ARL1: variants seen among roughly 807,000 people sequenced by gnomAD.
The protein encoded by ARL1 is ADP-ribosylation factor-like protein 1.
A neutral mutation model predicts 30.1 loss-of-function variants in ARL1; 17 were observed. The ratio of observed to expected loss-of-function variants is 0.56; its 90% CI spans 0.39 to 0.85. The LOEUF (loss-of-function observed/expected upper bound fraction) is 0.85. ARL1 is among the 40% of genes least tolerant of loss of function. The pLI, the probability that ARL1 is intolerant of heterozygous loss-of-function variation, is 0.00. For synonymous variants in ARL1, 58 were observed against 71.7 expected (o/e 0.81, Z 0.97); for missense variants, 102 against 212.6 (o/e 0.48, Z 3.24).
In ARL1 at chr12:101,403,148, A is replaced by G; in HGVS notation, c.143-202T>C. 4 of 476,310 alleles carry G rather than the reference A, an allele frequency of 8.4e-6. No homozygotes were observed. The East Asian group carries it at 1.7e-4, about 21-fold the overall frequency. The allele number at this position is 476,310 out of a possible 1,614,324, so 29.5% of individuals were successfully genotyped here. On this transcript the variant is annotated intron_variant, in intron 2 of 5. Coordinates refer to ENST00000261636, the MANE Select transcript of ARL1 (RefSeq NM_001177.6). ...ATTGGTTGAGATTTTATACCATTTAAGACGAAATAGTATGCTCTGCTCCCC... is the reference window on the plus strand; with the variant it reads ...ATTGGTTGAGATTTTATACCATTTAGGACGAAATAGTATGCTCTGCTCCCC...
At chr12:101,403,993 T>C (rs536352610) in intron 2 of ARL1, among the ~76,000 whole-genome samples, 14 of 152,080 alleles carry the variant, frequency 9.2e-5, no homozygotes, top group Non-Finnish European at 2.1e-4. Context: ...AACTTCCAGG[T>C]ATAACTGGAC....
Position 101,407,741 on chromosome 12 carries a change from A to G in ARL1, c.-96T>C, listed in dbSNP as rs1320918933. On this transcript the variant is annotated 5_prime_UTR_variant, in exon 1 of 6. Coordinates refer to ENST00000261636, the MANE Select transcript of ARL1 (RefSeq NM_001177.6). ...TTCCTCGCAAGCCCAGTCAGCCAGC[A>G]ACTTCCACGTCGGACTCCAGGCGGG... is the stretch of plus-strand genomic sequence containing the variant. The G allele has an allele frequency of 1.3e-6, 2 of 1,573,104 alleles. No homozygotes were observed. Among genetic ancestry groups the G allele is most frequent in the Admixed American group, 1.7e-5 (1 of 59,790 alleles).
At chr12:101,407,537 C>G in intron 1 of ARL1, 105 bp downstream of exon 1, 2 of 1,478,194 alleles carry the variant, frequency 1.4e-6, no homozygotes, top group Non-Finnish European at 1.8e-6. Context: ...CCCTGAGGAG[C>G]TGGCTACTCT....
At chr12:101,398,820 A>G (rs1871224012) in intron 4 of ARL1, among the ~76,000 whole-genome samples, 1 of 152,142 alleles carries the variant, frequency 6.6e-6, no homozygotes, top group Non-Finnish European at 1.5e-5. Flanking sequence ...TGATGAATTA[A>G]AAGTGACTTC....
At chr12:101,400,309 G>A (rs1049243484) in intron 4 of ARL1, 4 of 151,140 alleles carry the variant, frequency 2.6e-5, no homozygotes, top group African/African-American at 9.7e-5. Flanking sequence ...CCAACACTAG[G>A]AGGCCGAGGC....
chr12:101,399,255 G>C (rs1871235443), intron 4 of ARL1, among the ~76,000 whole-genome samples: 1 of 152,128 alleles, frequency 6.6e-6, no homozygotes, highest in Admixed American at 6.5e-5. Context: ...CCAGTACTTT[G>C]GGAGGCCAAG....
At position 101,402,909 on chromosome 12, in the gene ARL1, G is replaced by T; in HGVS notation, c.180C>A (p.Asn60Lys). 1 of 1,613,136 alleles carries T rather than the reference G, an allele frequency of 6.2e-7. No homozygotes were observed. Among genetic ancestry groups the T allele is most frequent in the Non-Finnish European group, 8.5e-7 (1 of 1,179,402 alleles). ...GFNVETVTYK[N>K]LKFQVWDLGG... ...CTAAATCCCAGACTTGGAATTTAAG[G>T]TTTTTGTACGTCACCGTCTCTACAT... The change falls in exon 3 of 6, where the codon AAC becomes AAA. Residue 60 changes from asparagine (N) to lysine (K), a missense_variant. Asn to Lys is a moderately conservative substitution (Grantham distance 94). Coordinates refer to ENST00000261636, the MANE Select transcript of ARL1 (RefSeq NM_001177.6).
intron 4 of ARL1, chr12:101,400,505 G>A (rs1274120363): frequency 6.6e-6 from 1 of 152,360 alleles, no homozygotes; most frequent in Non-Finnish European, 1.5e-5. Flanking sequence ...GAAGAGATGT[G>A]GGAAGAAACA....
chr12:101,406,698 G>A (rs1436243786), intron 1 of ARL1, among the ~76,000 whole-genome samples: 1 of 152,158 alleles, frequency 6.6e-6, no homozygotes, highest in Non-Finnish European at 1.5e-5. Context: ...CAAAGACATG[G>A]CATAACTAAG....
chr12:101,395,824 C>A (rs1167076937), intron 5 of ARL1, among the ~76,000 whole-genome samples, 154 bp from the exon 6 acceptor site: 6 of 152,116 alleles, frequency 3.9e-5, no homozygotes, highest in Admixed American at 3.3e-4. Context: ...CCATAAGGTT[C>A]CTCTAAGCTT....
chr12:101,397,754 G>A (rs1345744398), intron 4 of ARL1, among the ~76,000 whole-genome samples: 7 of 152,034 alleles, frequency 4.6e-5, no homozygotes, highest in Admixed American at 3.3e-4. Context: ...CACCCGCCTC[G>A]GCCTCCCAAA....
intron 4 of ARL1, among the ~76,000 whole-genome samples, chr12:101,399,116 G>T (rs1020405385): frequency 6.6e-6 from 1 of 150,926 alleles, no homozygotes; most frequent in Non-Finnish European, 1.5e-5. Flanking sequence ...ATGCTATGAT[G>T]TAAAAAAAAA....
rs181170979 is a variant in ARL1, at chr12:101,403,226, C to T, written c.143-280G>A. 2.1e-5 allele frequency: 10 copies of T among 470,546 alleles called. No homozygotes were observed. In the Admixed American group the frequency reaches 2.1e-4, roughly 10 times the overall value. The allele number at this position is 470,546 out of a possible 1,614,324, so 29.1% of individuals were successfully genotyped here. On this transcript the variant is annotated intron_variant, in intron 2 of 5. Transcript: ENST00000261636. The stretch of plus-strand genomic sequence containing the variant: ...CATCAATTAGCAAGATCAATACCAT[C>T]TTCAGGATATTTTTTAAAAGCCAGC...
At chr12:101,400,585 A>G (rs1296539515) in intron 4 of ARL1, among the ~76,000 whole-genome samples, 2 of 152,108 alleles carry the variant, frequency 1.3e-5, no homozygotes, top group Non-Finnish European at 2.9e-5. Context: ...CAAGTGCAAA[A>G]GGCCCTGAGC....
rs3765074 is a variant in ARL1 at position 101,403,064 on chromosome 12, T to C, written c.143-118A>G. 1.8e-5 allele frequency: 9 copies of C among 511,646 alleles called. No homozygotes were observed. In the African/African-American group the frequency reaches 1.8e-4, roughly 10 times the overall value. 31.7% of individuals were successfully genotyped at this position (511,646 alleles called of 1,614,324 possible). On this transcript the variant is annotated intron_variant, in intron 2 of 5. Transcript: ENST00000261636. ...CTGTTATTAGAGTTTAAAATATATA[T>C]ATATATAATTTGTCTTAGGATTCGA...
chr12:101,397,489 CCTGT>C (rs1215036846), intron 4 of ARL1, among the ~76,000 whole-genome samples: 3 of 151,852 alleles, frequency 2.0e-5, no homozygotes, highest in Admixed American at 1.3e-4. Context: ...AGAGGGAGAC[CCTGT>C]CTCTTTTTTT....
At position 101,395,545 on chromosome 12, in the gene ARL1, T is replaced by C. The variant is rs143825195; in HGVS notation, c.*95A>G. On this transcript the variant is annotated 3_prime_UTR_variant, in exon 6 of 6. Transcript: ENST00000261636. ...CAGTCAGTATATGCCAATAATCATA[T>C]AGTTTTAACATCTAGTAGTGTGAAG... The C allele has an allele frequency of 1.0e-5, 10 of 993,502 alleles. No homozygotes were observed. Among genetic ancestry groups the C allele is most frequent in the African/African-American group, 4.9e-5 (3 of 61,310 alleles). 61.5% of individuals were successfully genotyped at this position (993,502 alleles called of 1,614,324 possible). A position where few individuals can be genotyped will look rare whatever the true frequency, so the allele number is the denominator to read the frequency against.
At chr12:101,399,791 T>A (rs147073060) in intron 4 of ARL1, among the ~76,000 whole-genome samples, 1 of 152,322 alleles carries the variant, frequency 6.6e-6, no homozygotes, top group African/African-American at 2.4e-5. Flanking sequence ...TTAGCCAATA[T>A]ATGATCTTAT....
chr12:101,407,489 T>G, intron 1 of ARL1, 153 bp downstream of exon 1: 1 of 970,204 alleles, frequency 1.0e-6, no homozygotes, highest in South Asian at 1.6e-5. Context: ...CCCCTACAGA[T>G]GAAGATCCAA....
Sources: allele counts gnomAD v4.1 joint callset (sites outside exome capture counted in the v4.1 genomes callset), GRCh38; gene constraint gnomAD v4.1.1; transcripts MANE v1.5; gene names NCBI Gene and HGNC (gene_info 2026-07-23, HGNC 2026-07-21).